Variants in ZCCHC7 observed in about 807,000 individuals in gnomAD.
ZCCHC7 encodes the protein zinc finger CCHC domain-containing protein 7.
A neutral mutation model predicts 52.0 loss-of-function variants in ZCCHC7; 35 were observed. The ratio of observed to expected loss-of-function variants is 0.67; its 90% CI spans 0.51 to 0.89. The LOEUF (loss-of-function observed/expected upper bound fraction) is 0.89, where lower values mean the gene tolerates loss of function less well. Among genes scored for constraint, ZCCHC7 ranks in the 40% least tolerant of loss-of-function variants. The probability of loss-of-function intolerance (pLI) is 0.00; values close to 1 mark genes in which losing one functional copy is unlikely to be tolerated. For missense variants in ZCCHC7, 574 were observed against 649.1 expected, an observed-to-expected ratio of 0.88 and a Z score of 1.26; for synonymous variants, 217 against 221.5, an observed-to-expected ratio of 0.98 and a Z score of 0.18.
At chr9:37,303,333 G>T (rs1214902794) in intron 3 of ZCCHC7, among the ~76,000 whole-genome samples, 1 of 151,956 alleles carries the variant, frequency 6.6e-6, no homozygotes, top group East Asian at 1.9e-4. Flanking sequence ...GCTGAGGCAG[G>T]AGAATCGCTT....
intron 2 of ZCCHC7, among the ~76,000 whole-genome samples, chr9:37,170,809 C>A (rs1305120216): frequency 6.6e-6 from 1 of 152,178 alleles, no homozygotes; most frequent in African/African-American, 2.4e-5. Flanking sequence ...CCTTTTAAAA[C>A]AACTTCAGTA....
intron 2 of ZCCHC7, among the ~76,000 whole-genome samples, chr9:37,300,402 A>C (rs10114097): frequency 0.032 from 4,891 of 152,308 alleles, 175 homozygotes; most frequent in African/African-American, 0.082. Flanking sequence ...TGAATGAAAG[A>C]ATAATAGCAT....
At chr9:37,338,451 A>T (rs538103731) in intron 6 of ZCCHC7, among the ~76,000 whole-genome samples, 1 of 152,222 alleles carries the variant, frequency 6.6e-6, no homozygotes, top group African/African-American at 2.4e-5. Context: ...AGACATAAGT[A>T]TACAAACATA....
intron 2 of ZCCHC7, among the ~76,000 whole-genome samples, chr9:37,206,210 AC>A (rs1769077791): frequency 6.6e-6 from 1 of 152,072 alleles, no homozygotes; most frequent in Non-Finnish European, 1.5e-5. Flanking sequence ...AGAGAATAGT[AC>A]TAAGCCAGAA....
intron 5 of ZCCHC7, among the ~76,000 whole-genome samples, chr9:37,325,856 C>G (rs1830220089): frequency 6.6e-6 from 1 of 152,182 alleles, no homozygotes; most frequent in Non-Finnish European, 1.5e-5. Context: ...AGTTTCATGT[C>G]TCTCACTACT....
chr9:37,277,648 C>T (rs1183630601), intron 2 of ZCCHC7, among the ~76,000 whole-genome samples: 1 of 152,096 alleles, frequency 6.6e-6, no homozygotes, highest in Non-Finnish European at 1.5e-5. Context: ...AATGGCTACA[C>T]CATGGGGGTG....
At chr9:37,166,728 T>A (rs1233114821) in intron 2 of ZCCHC7, among the ~76,000 whole-genome samples, 1 of 152,066 alleles carries the variant, frequency 6.6e-6, no homozygotes, top group Non-Finnish European at 1.5e-5. Flanking sequence ...ATCCCACAAA[T>A]TTTGCTATGT....
intron 2 of ZCCHC7, among the ~76,000 whole-genome samples, chr9:37,269,867 G>A (rs1250181699): frequency 6.6e-6 from 1 of 152,178 alleles, no homozygotes; most frequent in African/African-American, 2.4e-5. Flanking sequence ...GTTTTAGGAA[G>A]TGCATTTGAG....
At chr9:37,288,123 A>G (rs1828343615) in intron 2 of ZCCHC7, among the ~76,000 whole-genome samples, 2 of 151,870 alleles carry the variant, frequency 1.3e-5, no homozygotes, top group South Asian at 4.2e-4. Flanking sequence ...ACACAAAAAT[A>G]TAAAAAATTA....
intron 2 of ZCCHC7, among the ~76,000 whole-genome samples, chr9:37,167,314 C>T (rs1196842861): frequency 6.7e-6 from 1 of 148,580 alleles, no homozygotes; most frequent in Non-Finnish European, 1.5e-5. Context: ...TGTTTCCAGG[C>T]TGGTCTTGAA....
chr9:37,335,511 A>G (rs1243432740), intron 6 of ZCCHC7, among the ~76,000 whole-genome samples: 2 of 152,192 alleles, frequency 1.3e-5, no homozygotes, highest in Non-Finnish European at 2.9e-5. Context: ...GTATACGATG[A>G]GATGATAAAT....
At chr9:37,133,937 T>G (rs1842895613) in intron 2 of ZCCHC7, among the ~76,000 whole-genome samples, 1 of 152,186 alleles carries the variant, frequency 6.6e-6, no homozygotes, top group East Asian at 1.9e-4. Flanking sequence ...TTGGCTAGAC[T>G]GGTCTTGAAC....
intron 5 of ZCCHC7, among the ~76,000 whole-genome samples, chr9:37,316,190 C>T (rs754873141): frequency 5.9e-5 from 9 of 151,872 alleles, no homozygotes; most frequent in Non-Finnish European, 1.0e-4. Context: ...CTCCCAAGTA[C>T]CTGGGACTAC....
chr9:37,308,386 T>C (rs763124074), intron 5 of ZCCHC7, among the ~76,000 whole-genome samples: 3 of 152,244 alleles, frequency 2.0e-5, no homozygotes, highest in African/African-American at 7.2e-5. Flanking sequence ...CTGACAAATA[T>C]GGTCTTATTT....
intron 6 of ZCCHC7, 114 bp downstream of exon 6, chr9:37,327,948 G>C (rs1830317087): frequency 8.6e-7 from 1 of 1,169,042 alleles, no homozygotes; most frequent in Admixed American, 2.0e-5. Context: ...ATAAACATCT[G>C]AAGAGTTTTT....
intron 2 of ZCCHC7, among the ~76,000 whole-genome samples, chr9:37,163,668 C>T (rs560237802): frequency 6.6e-6 from 1 of 152,090 alleles, no homozygotes; most frequent in Non-Finnish European, 1.5e-5. Flanking sequence ...TTTTGAAGAG[C>T]AAAAGTTATT....
chr9:37,214,438 T>C (rs146195291), intron 2 of ZCCHC7, among the ~76,000 whole-genome samples: 12 of 152,174 alleles, frequency 7.9e-5, no homozygotes, highest in African/African-American at 2.2e-4. Flanking sequence ...CAGTTTAGCT[T>C]TTTCAGCTGC....
intron 2 of ZCCHC7, among the ~76,000 whole-genome samples, chr9:37,166,241 A>G (rs1015397890): frequency 8.5e-5 from 13 of 152,066 alleles, no homozygotes; most frequent in Non-Finnish European, 1.3e-4. Context: ...CTAAAAATAC[A>G]AAAAATTAGC....
intron 3 of ZCCHC7, 45 bp from the exon 4 acceptor site, chr9:37,304,143 A>G: frequency 1.3e-6 from 2 of 1,578,368 alleles, no homozygotes; most frequent in Non-Finnish European, 1.7e-6. Flanking sequence ...GCTTTTATTT[A>G]GCAGTGAAAC....
Sources: gnomAD v4.1 joint callset for allele counts (sites outside exome capture counted in the v4.1 genomes callset) on GRCh38, gnomAD v4.1.1 for gene constraint, MANE v1.5 for transcripts, NCBI Gene and HGNC (gene_info 2026-07-23, HGNC 2026-07-21) for gene names.